HMGCLL1: variants seen among roughly 807,000 people sequenced by gnomAD.
HMGCLL1 encodes 3-hydroxymethyl-3-methylglutaryl-CoA lyase, cytoplasmic.
A neutral mutation model predicts 39.1 loss-of-function variants in HMGCLL1; 36 were observed. The observed-to-expected ratio is 0.92, with a 90% CI of 0.71 to 1.22. HMGCLL1 has a LOEUF of 1.22. HMGCLL1 is among the 50% of genes most tolerant of loss of function. The pLI is 0.00. For missense variants in HMGCLL1, 451 were observed against 416.5 expected (o/e 1.08, Z -0.72); for synonymous variants, 149 against 144.0 (o/e 1.03, Z -0.25).
intron 1 of HMGCLL1, among the ~76,000 whole-genome samples, chr6:55,574,556 A>G (rs1321187128): frequency 6.6e-6 from 1 of 151,888 alleles, no homozygotes; most frequent in Non-Finnish European, 1.5e-5. Context: ...ATTCAGGGGG[A>G]AAATGAGAAA....
chr6:55,621,604 C>T, the HMGCLL1 span, among the ~76,000 whole-genome samples: 3 of 151,866 alleles, frequency 2.0e-5, no homozygotes, highest in Non-Finnish European at 2.9e-5. Flanking sequence ...CCATCACCTC[C>T]AGATGGGACC....
chr6:55,475,568 A>G (rs1349728621), intron 7 of HMGCLL1, among the ~76,000 whole-genome samples: 2 of 151,540 alleles, frequency 1.3e-5, no homozygotes, highest in African/African-American at 4.8e-5. Context: ...CCATGCCGTA[A>G]AAATAAGGGT....
intron 7 of HMGCLL1, among the ~76,000 whole-genome samples, chr6:55,461,220 T>A (rs533330383): frequency 6.6e-6 from 1 of 151,082 alleles, no homozygotes; most frequent in African/African-American, 2.4e-5. Context: ...GAAGTAAAGA[T>A]TTTTTTTTAT....
chr6:55,563,695 A>T (rs1771075165), intron 1 of HMGCLL1: 2 of 331,176 alleles, frequency 6.0e-6, no homozygotes, highest in Admixed American at 7.9e-5. Flanking sequence ...ACCTGATACC[A>T]AAGTTTACAT....
At chr6:55,586,114 C>T in the HMGCLL1 span, among the ~76,000 whole-genome samples, 1 of 152,150 alleles carries the variant, frequency 6.6e-6, no homozygotes, top group South Asian at 2.1e-4. Flanking sequence ...ACACAAGAAA[C>T]TTCTAATTTA....
the HMGCLL1 span, among the ~76,000 whole-genome samples, chr6:55,671,223 A>T: frequency 2.0e-5 from 3 of 151,768 alleles, no homozygotes; most frequent in Non-Finnish European, 4.4e-5. Context: ...TGGTAAAAGG[A>T]ATGTTTCAAT....
At chr6:55,670,227 C>T in the HMGCLL1 span, among the ~76,000 whole-genome samples, 1,537 of 151,784 alleles carry the variant, frequency 0.01, 25 homozygotes, top group African/African-American at 0.035. Context: ...AGAGAACTGT[C>T]ATTCCAGAAT....
chr6:55,541,469 AC>A (rs1299071001), intron 3 of HMGCLL1, among the ~76,000 whole-genome samples: 2 of 151,998 alleles, frequency 1.3e-5, no homozygotes, highest in Non-Finnish European at 2.9e-5. Flanking sequence ...GAAAGGGCAG[AC>A]CCCCTAAAAT....
chr6:55,500,574 AG>A (rs1331857789), intron 5 of HMGCLL1, among the ~76,000 whole-genome samples: 8 of 151,986 alleles, frequency 5.3e-5, no homozygotes, highest in Non-Finnish European at 1.0e-4. Context: ...AGTATTAAAT[AG>A]TTTTATAAGC....
intron 1 of HMGCLL1, among the ~76,000 whole-genome samples, chr6:55,567,193 T>C (rs1771260833): frequency 1.3e-5 from 2 of 152,114 alleles, no homozygotes; most frequent in East Asian, 1.9e-4. Context: ...AGTATTGAGG[T>C]TGGCCATTGG....
intron 1 of HMGCLL1, among the ~76,000 whole-genome samples, chr6:55,542,836 GTA>G (rs1304070645): frequency 2.1e-4 from 28 of 133,984 alleles, no homozygotes; most frequent in Admixed American, 1.6e-4. Context: ...TAATATATAT[GTA>G]TTATATATAA....
the HMGCLL1 span, among the ~76,000 whole-genome samples, chr6:55,614,039 T>A: frequency 6.6e-6 from 1 of 152,170 alleles, no homozygotes; most frequent in Admixed American, 6.6e-5. Flanking sequence ...TTGATATAAT[T>A]TTAATGTCAT....
chr6:55,512,035 T>C (rs1767492083), intron 5 of HMGCLL1: 2 of 152,122 alleles, frequency 1.3e-5, no homozygotes, highest in Admixed American at 6.6e-5. Flanking sequence ...GAAGTTTTCA[T>C]TTTTCTGATG....
chr6:55,675,803 G>A, the HMGCLL1 span, among the ~76,000 whole-genome samples: 2 of 151,908 alleles, frequency 1.3e-5, no homozygotes, highest in African/African-American at 2.4e-5. Context: ...GTGAATGTTT[G>A]ATGTTATTGT....
At chr6:55,583,751 C>G (rs1772023982), upstream of HMGCLL1, among the ~76,000 whole-genome samples, 1 of 152,052 alleles carries the variant, frequency 6.6e-6, no homozygotes, top group African/African-American at 2.4e-5. Context: ...TGAAATATTC[C>G]TAAAGGATGA....
At chr6:55,604,970 T>C in the HMGCLL1 span, among the ~76,000 whole-genome samples, 1 of 152,250 alleles carries the variant, frequency 6.6e-6, no homozygotes, top group Admixed American at 6.5e-5. Flanking sequence ...GTAGTTTACA[T>C]TATTTTATTT....
chr6:55,524,961 A>C (rs887041635), intron 3 of HMGCLL1, among the ~76,000 whole-genome samples: 1 of 150,472 alleles, frequency 6.6e-6, no homozygotes, highest in Non-Finnish European at 1.5e-5. Context: ...TACTATTACT[A>C]TTAATTAATA....
the HMGCLL1 span, among the ~76,000 whole-genome samples, chr6:55,657,151 T>G: frequency 0.013 from 2,047 of 152,126 alleles, 51 homozygotes; most frequent in African/African-American, 0.047. Context: ...CTGTAGGTTG[T>G]CTTTTTACTC....
the HMGCLL1 span, among the ~76,000 whole-genome samples, chr6:55,637,122 T>C: frequency 6.6e-6 from 1 of 152,214 alleles, no homozygotes; most frequent in East Asian, 1.9e-4. Flanking sequence ...CCATTTAAGA[T>C]GTTTCAGCCA....
Sources: gnomAD v4.1 joint callset for allele counts (sites outside exome capture counted in the v4.1 genomes callset) on GRCh38, gnomAD v4.1.1 for gene constraint, MANE v1.5 for transcripts, NCBI Gene and HGNC (gene_info 2026-07-23, HGNC 2026-07-21) for gene names.